The following DACH2 variants were observed in gnomAD, a reference collection of about 807,000 sequenced individuals.
The protein encoded by DACH2 is dachshund family transcription factor 2.
Under a neutral mutation model 35.8 loss-of-function variants are expected in DACH2, and 17 were observed. The observed-to-expected ratio is 0.48, with a 90% CI of 0.33 to 0.71. DACH2 has a LOEUF of 0.71. Ranked by LOEUF, DACH2 falls within the 30% of genes least tolerant of loss-of-function variation. DACH2 has a pLI of 0.02. For synonymous variants in DACH2, 195 were observed against 177.3 expected, an observed-to-expected ratio of 1.10 and a Z score of -0.79; for missense variants, 469 against 472.7, an observed-to-expected ratio of 0.99 and a Z score of 0.07.
In DACH2 at chrX:86,584,817, T is replaced by A. The variant is rs911162920; in HGVS notation, c.641-66219T>A. On this transcript the variant is annotated intron_variant, in intron 3 of 11. Transcript: ENST00000373125. Reference sequence around the variant, plus strand: ...TAGGTAGCTTTTCAGCTTTTCAGTGTTCTAGTACACCCCGGTGTCTATTGT... The same window carrying A: ...TAGGTAGCTTTTCAGCTTTTCAGTGATCTAGTACACCCCGGTGTCTATTGT... 2.7e-5 allele frequency among the ~76,000 whole-genome samples: 3 copies of A among 111,352 alleles called. No individual in the cohort carries two copies. In the Admixed American group the frequency reaches 2.9e-4, roughly 11 times the overall value.
At chrX:86,305,106 A>G in intron 1 of DACH2, 1 of 143,445 alleles carries the variant, frequency 7.0e-6, no homozygotes, top group South Asian at 2.3e-4. Context: ...GGGCACAGGG[A>G]CCCCTGAGAG....
At chrX:86,384,934 T>A (rs1239947908) in intron 2 of DACH2, among the ~76,000 whole-genome samples, 1 of 111,751 alleles carries the variant, frequency 8.9e-6, no homozygotes, top group African/African-American at 3.2e-5. Context: ...TTTAAAAAGA[T>A]TGTGAACTGA....
chrX:86,694,227 A>G (rs1253842328), intron 4 of DACH2, among the ~76,000 whole-genome samples: 1 of 111,930 alleles, frequency 8.9e-6, no homozygotes, highest in African/African-American at 3.2e-5. Flanking sequence ...CTAAAGCCAG[A>G]CTATGTGCTC....
At chrX:86,480,283 G>A (rs988553051) in intron 2 of DACH2, among the ~76,000 whole-genome samples, 1 of 112,120 alleles carries the variant, frequency 8.9e-6, no homozygotes, top group Non-Finnish European at 1.9e-5. Flanking sequence ...CACTTACCAG[G>A]CAGAGACTCT....
chrX:86,226,526 C>A lies in DACH2; in HGVS notation c.488+77418C>A, dbSNP rs1186467628. ...CGGGAAATTATACTCTCTGATCTAG[C>A]CTTCTCTTATGGAAGTAACTAGAGA... On this transcript the variant is annotated intron_variant, in intron 1 of 11. Transcript: ENST00000373125. 2.7e-5 allele frequency among the ~76,000 whole-genome samples: 3 copies of A among 111,575 alleles called. No individual in the cohort carries two copies. In the East Asian group the frequency reaches 8.4e-4, roughly 31 times the overall value.
chrX:86,363,031 A>T (rs1308701031), intron 1 of DACH2, among the ~76,000 whole-genome samples: 1 of 102,200 alleles, frequency 9.8e-6, no homozygotes, highest in African/African-American at 3.5e-5. Context: ...TCTAGTTCAT[A>T]ATATTGACCA....
chrX:86,400,933 G>A (rs2036414886), intron 2 of DACH2, among the ~76,000 whole-genome samples: 1 of 112,479 alleles, frequency 8.9e-6, no homozygotes, highest in Non-Finnish European at 1.9e-5. Context: ...TAAGTATGCA[G>A]AGATTATTAC....
intron 1 of DACH2, among the ~76,000 whole-genome samples, chrX:86,167,329 C>T (rs1458710499): frequency 9.0e-6 from 1 of 110,575 alleles, no homozygotes; most frequent in Non-Finnish European, 1.9e-5. Flanking sequence ...TTAGATTTTC[C>T]AATTTATTGC....
intron 3 of DACH2, among the ~76,000 whole-genome samples, chrX:86,574,227 TCC>T (rs2039407820): frequency 9.0e-6 from 1 of 111,163 alleles, no homozygotes; most frequent in South Asian, 3.8e-4. Flanking sequence ...TCCAAGAGGC[TCC>T]TGGTAATCTA....
intron 1 of DACH2, among the ~76,000 whole-genome samples, chrX:86,348,416 TG>T (rs1368331016): frequency 4.5e-5 from 5 of 112,055 alleles, no homozygotes; most frequent in African/African-American, 1.3e-4. Context: ...ATTTACCCTT[TG>T]TTTCCAGGGT....
intron 7 of DACH2, among the ~76,000 whole-genome samples, chrX:86,765,697 G>GTTTTTTT (rs2041925172): frequency 5.7e-5 from 2 of 35,217 alleles, no homozygotes; most frequent in African/African-American, 1.1e-4. Context: ...GTTGTTTTTT[G>GTTTTTTT]GTTTTTTTTT....
At chrX:86,561,814 T>C (rs1337451572) in intron 3 of DACH2, among the ~76,000 whole-genome samples, 2 of 64,307 alleles carry the variant, frequency 3.1e-5, no homozygotes, top group African/African-American at 6.8e-5. Flanking sequence ...GACACGTTAG[T>C]GGGTGCAGTG....
At chrX:86,362,309 T>A (rs549182079) in intron 1 of DACH2, among the ~76,000 whole-genome samples, 11 of 111,075 alleles carry the variant, frequency 9.9e-5, no homozygotes, top group African/African-American at 2.9e-4. Flanking sequence ...GAGAGCCTCT[T>A]AGTGGCATTA....
intron 7 of DACH2, among the ~76,000 whole-genome samples, chrX:86,758,677 C>G (rs1433896373): frequency 2.7e-5 from 3 of 111,964 alleles, no homozygotes; most frequent in Non-Finnish European, 5.6e-5. Context: ...GTTTAATGTG[C>G]TGATGAGAAG....
intron 2 of DACH2, among the ~76,000 whole-genome samples, chrX:86,400,066 G>T (rs2036392341): frequency 9.0e-6 from 1 of 111,494 alleles, no homozygotes; most frequent in Admixed American, 9.5e-5. Flanking sequence ...ATTTCTTGGA[G>T]GCTTTGTTCA....
At chrX:86,532,068 T>C (rs1329278121) in intron 3 of DACH2, among the ~76,000 whole-genome samples, 1 of 112,991 alleles carries the variant, frequency 8.9e-6, no homozygotes, top group Admixed American at 9.3e-5. Context: ...AGGCAATTTC[T>C]CCAATTTGGA....
chrX:86,361,584 A>G (rs915572882), intron 1 of DACH2, among the ~76,000 whole-genome samples: 1 of 111,552 alleles, frequency 9.0e-6, no homozygotes, highest in South Asian at 3.7e-4. Context: ...TTTATTTGCA[A>G]GTTGACAAGA....
intron 6 of DACH2, among the ~76,000 whole-genome samples, chrX:86,732,175 A>T (rs2041539744): frequency 9.0e-6 from 1 of 111,536 alleles, no homozygotes; most frequent in Non-Finnish European, 1.9e-5. Flanking sequence ...TCATTTTGAG[A>T]ACAAGAAAGG....
intron 1 of DACH2, among the ~76,000 whole-genome samples, chrX:86,332,247 A>C (rs768736376): frequency 9.0e-6 from 1 of 111,697 alleles, no homozygotes; most frequent in Admixed American, 9.6e-5. Flanking sequence ...CAAACAAAAT[A>C]CTTTAATTTT....
Sources: allele counts gnomAD v4.1 joint callset (sites outside exome capture counted in the v4.1 genomes callset), GRCh38; gene constraint gnomAD v4.1.1; transcripts MANE v1.5; gene names NCBI Gene and HGNC (gene_info 2026-07-23, HGNC 2026-07-21).